VWF: variants seen among roughly 807,000 people sequenced by gnomAD.
The protein encoded by VWF is Factor VIII related antigen.
Under a neutral mutation model 308.6 loss-of-function variants are expected in VWF, and 176 were observed. The ratio of observed to expected loss-of-function variants is 0.57; its 90% CI spans 0.50 to 0.65. The LOEUF is 0.65. Among genes scored for constraint, VWF ranks in the 30% least tolerant of loss-of-function variants. The pLI, the probability that VWF is intolerant of heterozygous loss-of-function variation, is 0.00. For synonymous variants in VWF, 1,385 were observed against 1,443.4 expected (o/e 0.96, Z 0.92); for missense variants, 3,146 against 3,648.2 (o/e 0.86, Z 3.55).
chr12:5,993,957 C>T lies in VWF; in HGVS notation c.6503G>A (p.Cys2168Tyr). ...CACCTCACACACTTGCTCCTGGTGGCAACTGTCCTGCTGGCAGATGGCATA... is the reference window on the plus strand; with the variant it reads ...CACCTCACACACTTGCTCCTGGTGGTAACTGTCCTGCTGGCAGATGGCATA... ...TFYAICQQDSCHQEQVCEVIA... is the reference protein window; with the variant it reads ...TFYAICQQDSYHQEQVCEVIA... Residue 2168 changes from cysteine (C) to tyrosine (Y), a missense_variant, in exon 37 of 52, where the codon TGC (cysteine) becomes TAC (tyrosine). Cys to Tyr is a radical substitution (Grantham distance 194, BLOSUM62 -2). Transcript: ENST00000261405. 6.2e-7 allele frequency: 1 copy of T among 1,614,168 alleles called. No homozygotes were observed. Among genetic ancestry groups the T allele is most frequent in the Non-Finnish European group, 8.5e-7 (1 of 1,180,038 alleles).
In VWF at chr12:5,985,659, C is replaced by T. The variant is rs759824731; in HGVS notation, c.6805G>A (p.Glu2269Lys). The change falls in exon 39 of 52, where the codon GAA becomes AAA. Residue 2269 changes from glutamate to lysine, a missense_variant. Coordinates refer to ENST00000261405, the MANE Select transcript of VWF (RefSeq NM_000552.5). Reference protein sequence around the residue: ...GEDGVQHQFLEAWVPDHQPCQ... With the variant: ...GEDGVQHQFLKAWVPDHQPCQ... ...GGCTGGTGGTCCGGGACCCAGGCTTCCAGGAACTGAGGGCAAAGCGAGGTT... is the reference window on the plus strand; with the variant it reads ...GGCTGGTGGTCCGGGACCCAGGCTTTCAGGAACTGAGGGCAAAGCGAGGTT... The T allele has an allele frequency of 1.2e-6, 2 of 1,614,058 alleles. No homozygotes were observed. Among genetic ancestry groups the T allele is most frequent in the South Asian group, 1.1e-5 (1 of 91,080 alleles).
intron 43 of VWF, 44 bp downstream of exon 43, chr12:5,976,067 C>A (rs763654700): frequency 8.1e-6 from 13 of 1,612,424 alleles, no homozygotes; most frequent in Non-Finnish European, 1.1e-5. Context: ...CTCTACTTTC[C>A]CGCTCTGATA....
At chr12:6,033,020 CCA>C (rs1240871203) in intron 20 of VWF, among the ~76,000 whole-genome samples, 1 of 150,952 alleles carries the variant, frequency 6.6e-6, no homozygotes, top group South Asian at 2.1e-4. Flanking sequence ...ATGCATACAC[CCA>C]CACAGACATG....
rs1441567698 is a variant in VWF, at chr12:5,980,131, GAAGGAAGA to G, written c.7287+1647_7287+1654del. ...GGAAGGAAGGAAGGAAGGAAGGAAGGAAGGAAGAAAGGAGTGAGGGAGGGAGTGAGGGA... is the reference window on the plus strand; with the variant it reads ...GGAAGGAAGGAAGGAAGGAAGGAAGGAAGGAGTGAGGGAGGGAGTGAGGGA... On this transcript the variant is annotated intron_variant, in intron 42 of 51. Transcript: ENST00000261405. Among the ~76,000 whole-genome samples, 202 of 107,888 alleles carry G rather than the reference GAAGGAAGA, an allele frequency of 1.9e-3. 2 individuals carry two copies. Among genetic ancestry groups the G allele is most frequent in the African/African-American group, 6.0e-3 (183 of 30,334 alleles). 70.8% of individuals were successfully genotyped at this position (107,888 alleles called of 152,430 possible). A position where few individuals can be genotyped will look rare whatever the true frequency, so the allele number is the denominator to read the frequency against.
intron 10 of VWF, among the ~76,000 whole-genome samples, chr12:6,066,440 G>A (rs1378442200): frequency 6.6e-6 from 1 of 152,238 alleles, no homozygotes; most frequent in Non-Finnish European, 1.5e-5. Flanking sequence ...GCCATTTGGT[G>A]AAGGAGGAAG....
At position 6,065,029 on chromosome 12, in the gene VWF, T is replaced by G. The variant is rs369598951; in HGVS notation, c.1293+108A>C. On this transcript the variant is annotated intron_variant, in intron 11 of 51. Transcript: ENST00000261405. Reference sequence around the variant, plus strand: ...TGAAGTCTGGAAGAGACCTCCCTCATGCACAGAAAGCAATGCCCCACGCCT... The same window carrying G: ...TGAAGTCTGGAAGAGACCTCCCTCAGGCACAGAAAGCAATGCCCCACGCCT... The G allele has an allele frequency of 1.3e-5, 20 of 1,520,362 alleles. No homozygotes were observed. In the African/African-American group the frequency reaches 2.7e-4, roughly 21 times the overall value. 94.2% of individuals were successfully genotyped at this position (1,520,362 alleles called of 1,614,324 possible).
At chr12:6,121,606 C>T in intron 2 of VWF, among the ~76,000 whole-genome samples, 1 of 152,076 alleles carries the variant, frequency 6.6e-6, no homozygotes, top group East Asian at 1.9e-4. Context: ...TCATCATGTC[C>T]ATTATTAAAA....
intron 47 of VWF, among the ~76,000 whole-genome samples, chr12:5,955,222 T>A (rs1019725901): frequency 6.6e-6 from 1 of 152,192 alleles, no homozygotes; most frequent in Non-Finnish European, 1.5e-5. Context: ...GGCAGGAATT[T>A]TTTTTTTATT....
intron 6 of VWF, among the ~76,000 whole-genome samples, chr12:6,085,807 T>C (rs948530730): frequency 1.3e-5 from 2 of 152,082 alleles, no homozygotes; most frequent in South Asian, 2.1e-4. Context: ...AAATGATGGG[T>C]TGATAGGTGC....
chr12:5,992,702 T>C (rs966743468), intron 37 of VWF, among the ~76,000 whole-genome samples: 1 of 152,198 alleles, frequency 6.6e-6, no homozygotes, highest in African/African-American at 2.4e-5. Context: ...TACAAGGTGA[T>C]TCATTTCCCT....
intron 42 of VWF, among the ~76,000 whole-genome samples, chr12:5,980,139 A>AAGG (rs1565817152): frequency 5.2e-4 from 37 of 71,806 alleles, no homozygotes; most frequent in African/African-American, 1.1e-3. Flanking sequence ...AGGAAGGAAG[A>AAGG]AAGGAGTGAG....
At chr12:6,030,205 G>A (rs1944243960) in intron 21 of VWF, among the ~76,000 whole-genome samples, 1 of 152,200 alleles carries the variant, frequency 6.6e-6, no homozygotes, top group Non-Finnish European at 1.5e-5. Context: ...ATCACATGCA[G>A]TGCAGAGCTA....
At chr12:6,012,303 C>A (rs546202758) in intron 32 of VWF, among the ~76,000 whole-genome samples, 173 bp from the exon 33 acceptor site, 6 of 152,348 alleles carry the variant, frequency 3.9e-5, no homozygotes, top group African/African-American at 1.4e-4. Context: ...AGGTGGTCAT[C>A]CTGTGGTTCT....
intron 3 of VWF, among the ~76,000 whole-genome samples, chr12:6,120,919 G>A (rs752636406): frequency 1.2e-4 from 19 of 152,074 alleles, no homozygotes; most frequent in African/African-American, 3.9e-4. Flanking sequence ...GGGCATCGCC[G>A]GGCCCCAGAG....
chr12:5,964,300 A>ATACATACATGCATACATACATACATAC (rs1267334614), intron 47 of VWF, among the ~76,000 whole-genome samples: 1 of 152,092 alleles, frequency 6.6e-6, no homozygotes, highest in Non-Finnish European at 1.5e-5. Flanking sequence ...ACATACATAC[A>ATACATACATGCATACATACATACATAC]AAAAGCTACC....
At chr12:6,071,417 T>C in intron 9 of VWF, 74 bp from the exon 10 acceptor site, 1 of 1,544,566 alleles carries the variant, frequency 6.5e-7, no homozygotes, top group Non-Finnish European at 8.9e-7. Context: ...TTAGAGCTCA[T>C]GGTAGTTATC....
At chr12:6,123,802 C>G (rs1945458160) in intron 1 of VWF, among the ~76,000 whole-genome samples, 1 of 152,200 alleles carries the variant, frequency 6.6e-6, no homozygotes, top group South Asian at 2.1e-4. Context: ...AAAAAATGGA[C>G]AGGAGTCCAG....
rs1418630807 is a variant in VWF, at chr12:6,113,305, T to C, written c.221-2337A>G. 3.9e-5 allele frequency among the ~76,000 whole-genome samples: 6 copies of C among 151,936 alleles called. 1 individual carries two copies. Among genetic ancestry groups the C allele is most frequent in the African/African-American group, 1.4e-4 (6 of 41,402 alleles). On this transcript the variant is annotated intron_variant, in intron 3 of 51. Coordinates refer to ENST00000261405, the MANE Select transcript of VWF (RefSeq NM_000552.5). ...GTGATTGCGTAGAGAAACTTTTTTTTTTTTTTTTTTGAGACAGAGTCTCGC... is the reference window on the plus strand; with the variant it reads ...GTGATTGCGTAGAGAAACTTTTTTTCTTTTTTTTTTGAGACAGAGTCTCGC...
At chr12:6,033,687 G>A (rs540012673) in intron 20 of VWF, among the ~76,000 whole-genome samples, 14 of 152,304 alleles carry the variant, frequency 9.2e-5, no homozygotes, top group African/African-American at 2.2e-4. Flanking sequence ...GGGCCAGCCC[G>A]GGTGTGAGGT....
Sources: allele counts gnomAD v4.1 joint callset (sites outside exome capture counted in the v4.1 genomes callset), GRCh38; gene constraint gnomAD v4.1.1; transcripts MANE v1.5; gene names NCBI Gene and HGNC (gene_info 2026-07-23, HGNC 2026-07-21).